Variants in SLC27A2 observed in about 807,000 individuals in gnomAD.
SLC27A2 encodes solute carrier family 27 member 2.
In SLC27A2, 54 loss-of-function variants were observed where a neutral mutation model predicts 60.0. The ratio of observed to expected loss-of-function variants is 0.90; its 90% CI spans 0.72 to 1.13. The LOEUF is 1.13. SLC27A2 is among the 50% of genes most tolerant of loss of function. The pLI is 0.00. For synonymous variants in SLC27A2, 297 were observed against 297.6 expected, an observed-to-expected ratio of 1.00 and a Z score of 0.02; for missense variants, 739 against 777.6, an observed-to-expected ratio of 0.95 and a Z score of 0.59.
Position 50,227,050 on chromosome 15 carries a change from T to A in SLC27A2, c.1329T>A (p.Ala443=). 6.2e-7 allele frequency: 1 copy of A among 1,614,170 alleles called. No homozygotes were observed. The highest frequency in any genetic ancestry group is 2.2e-5 in the East Asian group (1 of 44,874). Reference sequence around the variant, plus strand: ...TTAATGGCTATGCTGGAGCAAAGGCTCAGACAGAGAAGAAAAAACTGAGAG... The same window carrying A: ...TTAATGGCTATGCTGGAGCAAAGGCACAGACAGAGAAGAAAAAACTGAGAG... ...TPFNGYAGAK[A]QTEKKKLRDV... Residue 443 remains alanine, a synonymous_variant, in exon 7 of 10, where the codon GCT becomes GCA. Transcript: ENST00000267842.
chr15:50,190,115 A>G (rs2044961570), intron 1 of SLC27A2, among the ~76,000 whole-genome samples: 1 of 152,206 alleles, frequency 6.6e-6, no homozygotes, highest in African/African-American at 2.4e-5. Context: ...CTCTATATAT[A>G]GTATTATAAT....
At chr15:50,189,336 G>A (rs1229466714) in intron 1 of SLC27A2, among the ~76,000 whole-genome samples, 1 of 151,950 alleles carries the variant, frequency 6.6e-6, no homozygotes, top group Admixed American at 6.6e-5. Flanking sequence ...CTCTCCTTGG[G>A]TCTCAGTGCA....
rs577617127 is a variant in SLC27A2, at chr15:50,195,323, A to C, written c.479-2177A>C. Among the ~76,000 whole-genome samples the C allele has an allele frequency of 1.7e-4, 24 of 143,996 alleles. 1 individual carries two copies. The highest frequency in any genetic ancestry group is 3.9e-4 in the East Asian group (2 of 5,136). 94.5% of individuals were successfully genotyped at this position (143,996 alleles called of 152,430 possible). A position where few individuals can be genotyped will look rare whatever the true frequency, so the allele number is the denominator to read the frequency against. On this transcript the variant is annotated intron_variant, in intron 1 of 9. Transcript: ENST00000267842. ...CTACTAAAAATATGAAAAAAAAAAA[A>C]AAAACAAAAACAAACAAATTAGCCA...
chr15:50,236,000 A>AGAT lies in SLC27A2; in HGVS notation c.1769_1771dup (p.Asp590dup). On this transcript the variant is annotated inframe_insertion, in exon 10 of 10. Transcript: ENST00000267842. ...AGGGCTTTAACCCTGCTGTCATCAA[A>AGAT]GATGCCTTGTATTTCTTGGATGACA... 1 of 1,614,212 alleles carries AGAT rather than the reference A, an allele frequency of 6.2e-7. No individual in the cohort carries two copies. Among genetic ancestry groups the AGAT allele is most frequent in the Non-Finnish European group, 8.5e-7 (1 of 1,180,020 alleles).
chr15:50,200,475 C>G (rs770025304), intron 2 of SLC27A2, among the ~76,000 whole-genome samples: 3 of 151,934 alleles, frequency 2.0e-5, no homozygotes, highest in Non-Finnish European at 4.4e-5. Context: ...GGGCCATTGT[C>G]AAAGAAAATG....
chr15:50,209,934 A>G (rs1201361620), intron 4 of SLC27A2, among the ~76,000 whole-genome samples: 2 of 152,206 alleles, frequency 1.3e-5, no homozygotes, highest in African/African-American at 4.8e-5. Flanking sequence ...TAGGAAGCTA[A>G]AAGATAACAG....
At chr15:50,184,666 G>A (rs761239515) in intron 1 of SLC27A2, among the ~76,000 whole-genome samples, 24 of 150,878 alleles carry the variant, frequency 1.6e-4, no homozygotes, top group Non-Finnish European at 2.2e-4. Flanking sequence ...CAAAAACCCC[G>A]TCTCGACTAA....
At position 50,182,603 on chromosome 15, in the gene SLC27A2, T is replaced by C. The variant is rs2044868571; in HGVS notation, c.176T>C (p.Phe59Ser). Residue 59 changes from phenylalanine to serine, a missense_variant, in exon 1 of 10, where the codon TTC becomes TCC. By Grantham distance (155) the Phe-to-Ser change is radical (BLOSUM62 -2). Coordinates refer to ENST00000267842, the MANE Select transcript of SLC27A2 (RefSeq NM_003645.4). ...CCGGCGCGCACCATCCTGCGGGCGT[T>C]CCTGGAGAAAGCGCGCCAGACGCCA... is the stretch of plus-strand genomic sequence containing the variant. ...RRPARTILRA[F>S]LEKARQTPHK... is the part of the protein sequence containing the mutation. 6.2e-7 allele frequency: 1 copy of C among 1,613,572 alleles called. No homozygotes were observed. Among genetic ancestry groups the C allele is most frequent in the Admixed American group, 1.7e-5 (1 of 59,990 alleles).
intron 1 of SLC27A2, among the ~76,000 whole-genome samples, chr15:50,184,842 A>G (rs28576105): frequency 0.014 from 2,186 of 152,232 alleles, 54 homozygotes; most frequent in African/African-American, 0.05. Flanking sequence ...ATCTCAAAAA[A>G]CAGAATAAAA....
At chr15:50,203,020 A>AAATATATAT in intron 3 of SLC27A2, among the ~76,000 whole-genome samples, 1 of 147,798 alleles carries the variant, frequency 6.8e-6, no homozygotes, top group South Asian at 2.1e-4. Flanking sequence ...CTCTAAAAAA[A>AAATATATAT]ATATATATAT....
chr15:50,209,005 A>G (rs368560113), intron 4 of SLC27A2, among the ~76,000 whole-genome samples: 2 of 152,298 alleles, frequency 1.3e-5, no homozygotes, highest in East Asian at 1.9e-4. Flanking sequence ...TACAGTCTGT[A>G]CTGGACAAGG....
chr15:50,193,473 A>G (rs537098103), intron 1 of SLC27A2, among the ~76,000 whole-genome samples: 4 of 152,320 alleles, frequency 2.6e-5, no homozygotes, highest in South Asian at 2.1e-4. Flanking sequence ...GAATGGATCC[A>G]GGTAACTTAT....
chr15:50,219,800 T>A (rs1030298316), intron 4 of SLC27A2, among the ~76,000 whole-genome samples: 1 of 152,182 alleles, frequency 6.6e-6, no homozygotes, highest in African/African-American at 2.4e-5. Context: ...TCTCTGGACA[T>A]CTTGACCTCT....
intron 4 of SLC27A2, among the ~76,000 whole-genome samples, chr15:50,216,304 A>C (rs556375048): frequency 1.3e-5 from 2 of 152,168 alleles, no homozygotes; most frequent in African/African-American, 4.8e-5. Flanking sequence ...AAAATCAAAA[A>C]CAGCAGATGT....
intron 7 of SLC27A2, among the ~76,000 whole-genome samples, chr15:50,228,376 CAAAAAAAAAAAA>C (rs71124333): frequency 3.9e-5 from 3 of 77,272 alleles, no homozygotes; most frequent in Non-Finnish European, 6.8e-5. Context: ...GACTCTGCCT[CAAAAAAAAAAAA>C]AAAAAAAAAA....
intron 1 of SLC27A2, among the ~76,000 whole-genome samples, chr15:50,194,329 C>G (rs2044997368): frequency 6.6e-6 from 1 of 151,902 alleles, no homozygotes; most frequent in Non-Finnish European, 1.5e-5. Flanking sequence ...TCCAGGTGAC[C>G]AGGGGGTGAG....
rs9920490 is a variant in SLC27A2, at chr15:50,223,434, C to T, written c.1167+275C>T. Among the ~76,000 whole-genome samples the T allele has an allele frequency of 0.21, 32,595 of 152,160 alleles. 4,121 individuals are homozygous for T. The highest frequency in any genetic ancestry group is 0.36 in the African/African-American group (14,902 of 41,498). On this transcript the variant is annotated intron_variant, in intron 5 of 9. Transcript: ENST00000267842. ...GTCTTCCTGATGCCATTTATACTTG[C>T]ATGTGATAAAACACCTGAAGGTTAC...
Position 50,204,373 on chromosome 15 carries a change from C to G in SLC27A2, c.848-866C>G, listed in dbSNP as rs2414037. 1.1e-3 allele frequency among the ~76,000 whole-genome samples: 173 copies of G among 151,770 alleles called. 1 individual carries two copies. Among genetic ancestry groups the G allele is most frequent in the East Asian group, 3.7e-3 (19 of 5,140 alleles). Reference sequence around the variant, plus strand: ...TCCCAGCTACTTAGAGGCTGAGGCACGAGAACCCACAAGGCAGAGGTTGCA... The same window carrying G: ...TCCCAGCTACTTAGAGGCTGAGGCAGGAGAACCCACAAGGCAGAGGTTGCA... On this transcript the variant is annotated intron_variant, in intron 3 of 9. Transcript: ENST00000267842.
intron 8 of SLC27A2, among the ~76,000 whole-genome samples, chr15:50,230,388 C>T (rs2045309468): frequency 6.6e-6 from 1 of 151,940 alleles, no homozygotes; most frequent in African/African-American, 2.4e-5. Flanking sequence ...ACTAAAAATA[C>T]AAACATTAGC....
Sources: gnomAD v4.1 joint callset for allele counts (sites outside exome capture counted in the v4.1 genomes callset) on GRCh38, gnomAD v4.1.1 for gene constraint, MANE v1.5 for transcripts, NCBI Gene and HGNC (gene_info 2026-07-23, HGNC 2026-07-21) for gene names.